The following ZNF496 variants were observed in gnomAD, a reference collection of about 807,000 sequenced individuals.
ZNF496 encodes NSD1 (nuclear receptor binding SET-domain containing 1)-interacting zinc finger protein 1.
Under a neutral mutation model 58.9 loss-of-function variants are expected in ZNF496, and 11 were observed. The ratio of observed to expected loss-of-function variants is 0.19; its 90% CI spans 0.12 to 0.31. The LOEUF is 0.31. Among genes scored for constraint, ZNF496 ranks in the 10% least tolerant of loss-of-function variants. ZNF496 has a pLI of 1.00. For missense variants in ZNF496, 660 were observed against 783.0 expected (o/e 0.84, Z 1.88); for synonymous variants, 338 against 318.2 (o/e 1.06, Z -0.66).
intron 5 of ZNF496, among the ~76,000 whole-genome samples, chr1:247,324,577 A>C (rs1660062786): frequency 2.0e-5 from 3 of 151,928 alleles, no homozygotes; most frequent in African/African-American, 7.3e-5. Context: ...CTAGGCTGGA[A>C]CAGAACTCCT....
intron 6 of ZNF496, among the ~76,000 whole-genome samples, chr1:247,314,849 T>C (rs1381368312): frequency 6.6e-6 from 1 of 152,076 alleles, no homozygotes. Flanking sequence ...CAGGTTCAAA[T>C]GATTTTTGGG....
Position 247,300,754 on chromosome 1 carries a change from T to C in ZNF496, c.1529A>G (p.Lys510Arg). The change falls in exon 10 of 10, where the codon AAA becomes AGA. Residue 510 changes from lysine to arginine, a missense_variant. Transcript: ENST00000682384. This position sits in a 1 kb window ranked among gnomAD's most constrained non-coding sequence, Gnocchi z 5.7. ...GGCCTTGCCGTTTTCCAGCGGCTCT[T>C]TGGGACCCTTGTCCGCGTCCTCGGA... ...AASEDADKGP[K>R]EPLENGKAKL... 1.9e-6 allele frequency: 3 copies of C among 1,609,694 alleles called. No homozygotes were observed. The highest frequency in any genetic ancestry group is 1.7e-5 in the Admixed American group (1 of 59,892).
intron 6 of ZNF496, among the ~76,000 whole-genome samples, chr1:247,314,258 T>C (rs900067851): frequency 2.0e-5 from 3 of 152,156 alleles, no homozygotes; most frequent in Admixed American, 1.3e-4. Context: ...GGTCTTGCTA[T>C]GTTACTCAAG....
intron 5 of ZNF496, 59 bp downstream of exon 5, chr1:247,328,622 GCA>G: frequency 6.9e-7 from 1 of 1,440,400 alleles, no homozygotes; most frequent in Non-Finnish European, 9.2e-7. Flanking sequence ...CACACCCAGT[GCA>G]CAGTATGGGG....
At position 247,300,690 on chromosome 1, in the gene ZNF496, G is replaced by C; in HGVS notation, c.1593C>G (p.Phe531Leu). 1 of 1,614,074 alleles carries C rather than the reference G, an allele frequency of 6.2e-7. No individual in the cohort carries two copies. The highest frequency in any genetic ancestry group is 8.5e-7 in the Non-Finnish European group (1 of 1,180,032). ...GCCGAGCCAGGTGGTCGTGCCGCTG[G>C]AAGGCCTTCCCACACTCACAGCACT... ...SFQCCECGKA[F>L]QRHDHLARHR... Residue 531 changes from phenylalanine (F) to leucine (L), a missense_variant, in exon 10 of 10, where the codon TTC (phenylalanine) becomes TTG (leucine). By Grantham distance (22) the Phe-to-Leu change is conservative (BLOSUM62 0). Transcript: ENST00000682384. This position sits in a 1 kb window ranked among gnomAD's most constrained non-coding sequence, Gnocchi z 5.7.
At chr1:247,313,024 G>A (rs986922785) in intron 6 of ZNF496, 4 of 152,218 alleles carry the variant, frequency 2.6e-5, no homozygotes, top group African/African-American at 7.2e-5. Context: ...TACCAGCATA[G>A]TTGGGTTCTG....
intron 6 of ZNF496, among the ~76,000 whole-genome samples, chr1:247,314,338 T>A (rs1659705053): frequency 6.7e-6 from 1 of 149,530 alleles, no homozygotes; most frequent in African/African-American, 2.6e-5. Context: ...ATTACCAGTA[T>A]GAGCCATGGT....
chr1:247,303,132 A>C (rs966802564), intron 9 of ZNF496, among the ~76,000 whole-genome samples: 1 of 152,206 alleles, frequency 6.6e-6, no homozygotes, highest in Non-Finnish European at 1.5e-5. Context: ...AAATGAAGTC[A>C]GATGGTGGGG....
At chr1:247,330,745 C>T (rs1441406632) in intron 2 of ZNF496, among the ~76,000 whole-genome samples, 2 of 152,266 alleles carry the variant, frequency 1.3e-5, no homozygotes, top group East Asian at 3.8e-4. Context: ...CCCCCATCTG[C>T]ACGAGGTTGT....
At chr1:247,314,513 C>T (rs1417076662) in intron 6 of ZNF496, among the ~76,000 whole-genome samples, 1 of 148,246 alleles carries the variant, frequency 6.7e-6, no homozygotes, top group Non-Finnish European at 1.5e-5. Context: ...ATAAAGCAGT[C>T]CTTTATATAA....
chr1:247,301,906 G>T (rs1227605540), intron 9 of ZNF496, among the ~76,000 whole-genome samples: 2 of 152,174 alleles, frequency 1.3e-5, no homozygotes, highest in African/African-American at 4.8e-5. Context: ...GTCCCAGACT[G>T]CCCAGAGTCC....
intron 5 of ZNF496, 28 bp from the exon 6 acceptor site, chr1:247,323,258 A>G (rs772880409): frequency 1.3e-5 from 21 of 1,596,846 alleles, no homozygotes; most frequent in Admixed American, 1.7e-5. Flanking sequence ...ATGGTGTCCT[A>G]AAGTGGGCCA....
Position 247,329,465 on chromosome 1 carries a change from GGGGCTGGGAAGCTCC to G in ZNF496, c.99_113del (p.Leu35_Glu39del). 6.2e-7 allele frequency: 1 copy of G among 1,609,710 alleles called. No homozygotes were observed. Among genetic ancestry groups the G allele is most frequent in the Non-Finnish European group, 8.5e-7 (1 of 1,178,282 alleles). On this transcript the variant is annotated inframe_deletion, in exon 4 of 10. Transcript: ENST00000682384. This position sits in a 1 kb window ranked among gnomAD's most constrained non-coding sequence, Gnocchi z 5.5. ...GGCGGAAGAGACGCCGAGAGGACTCGGGGCTGGGAAGCTCCCCCTGGGGGCTAGGGTTCTCTCCAG... is the reference window on the plus strand; with the variant it reads ...GGCGGAAGAGACGCCGAGAGGACTCGCCCTGGGGGCTAGGGTTCTCTCCAG...
At chr1:247,310,116 G>A in intron 7 of ZNF496, 1 of 1,432,812 alleles carries the variant, frequency 7.0e-7, no homozygotes, top group Non-Finnish European at 9.1e-7. Context: ...GCCTGATGTG[G>A]CGAGACAGCA....
At chr1:247,319,014 C>CT (rs1659872759) in intron 6 of ZNF496, among the ~76,000 whole-genome samples, 1 of 148,106 alleles carries the variant, frequency 6.8e-6, no homozygotes, top group African/African-American at 2.5e-5. Context: ...GGGTCTCACT[C>CT]TGTCACCCAG....
In ZNF496 at chr1:247,298,255, G is replaced by A. The variant is rs2103013155; in HGVS notation, c.*2264C>T. On this transcript the variant is annotated 3_prime_UTR_variant, in exon 10 of 10. Coordinates refer to ENST00000682384, the MANE Select transcript of ZNF496 (RefSeq NM_032752.3). ...GATTTTATTGCATTTACTGCTCCTG[G>A]GCATGCAGATGCATCTACACAGAAA... 1 of 152,220 alleles carries A rather than the reference G, an allele frequency of 6.6e-6. No individual in the cohort carries two copies. The allele number at this position is 152,220 out of a possible 1,614,324, so 9.4% of individuals were successfully genotyped here.
At chr1:247,310,221 C>T (rs2103020983) in intron 7 of ZNF496, 103 bp downstream of exon 7, 2 of 1,546,914 alleles carry the variant, frequency 1.3e-6, no homozygotes, top group East Asian at 4.5e-5. Context: ...TGATGCAGGC[C>T]CCGCTTCCCT....
intron 7 of ZNF496, 67 bp downstream of exon 7, chr1:247,310,257 T>C: frequency 3.7e-6 from 6 of 1,603,382 alleles, no homozygotes; most frequent in Non-Finnish European, 5.1e-6. Context: ...AGTTGACTCT[T>C]ACTCCAAGTG....
chr1:247,302,014 C>G (rs1455386634), intron 9 of ZNF496, among the ~76,000 whole-genome samples: 1 of 152,148 alleles, frequency 6.6e-6, no homozygotes, highest in Non-Finnish European at 1.5e-5. Context: ...CATCCTGAGT[C>G]TGTGATGTTG....
Sources: allele counts gnomAD v4.1 joint callset (sites outside exome capture counted in the v4.1 genomes callset), GRCh38; gene constraint gnomAD v4.1.1; non-coding constraint Gnocchi (gnomAD v3.1); transcripts MANE v1.5; gene names NCBI Gene and HGNC (gene_info 2026-07-23, HGNC 2026-07-21).